AGPAT5: variants seen among roughly 807,000 people sequenced by gnomAD.
AGPAT5 encodes 1-acyl-sn-glycerol-3-phosphate acyltransferase epsilon.
In AGPAT5, 46 loss-of-function variants were observed where a neutral mutation model predicts 45.6. The ratio of observed to expected loss-of-function variants is 1.01; its 90% CI spans 0.80 to 1.29. The LOEUF (loss-of-function observed/expected upper bound fraction) is 1.29, where lower values mean the gene tolerates loss of function less well. Among genes scored for constraint, AGPAT5 ranks in the 50% most tolerant of loss-of-function variants. The pLI is 0.00. For missense variants in AGPAT5, 673 were observed against 450.7 expected, an observed-to-expected ratio of 1.49 and a Z score of -4.47; for synonymous variants, 272 against 167.0, an observed-to-expected ratio of 1.63 and a Z score of -4.85.
In AGPAT5 at chr8:6,758,197, C is replaced by CTGTTT. The variant is rs1801909429; in HGVS notation, c.*821_*825dup. On this transcript the variant is annotated 3_prime_UTR_variant, in exon 8 of 8. Transcript: ENST00000285518. ...AAGTGCTTGAAAACGTTAAGGTTTTCTGTTTTGTTTTGTTTTTTTAATATC... is the reference window on the plus strand; with the variant it reads ...AAGTGCTTGAAAACGTTAAGGTTTTCTGTTTTGTTTTGTTTTGTTTTTTTAATATC... The CTGTTT allele has an allele frequency of 6.6e-6, 1 of 152,462 alleles. No homozygotes were observed. Among genetic ancestry groups the CTGTTT allele is most frequent in the Non-Finnish European group, 1.5e-5 (1 of 68,004 alleles). 9.4% of individuals were successfully genotyped at this position (152,462 alleles called of 1,614,324 possible). A position where few individuals can be genotyped will look rare whatever the true frequency, so the allele number is the denominator to read the frequency against.
At chr8:6,732,720 C>G (rs1030619980) in intron 4 of AGPAT5, 70 bp downstream of exon 4, 13 of 1,287,796 alleles carry the variant, frequency 1.0e-5, no homozygotes, top group Non-Finnish European at 1.4e-5. Context: ...AAATTAAAAT[C>G]TAAGAATTGT....
At chr8:6,709,893 C>T (rs1048365915) in intron 1 of AGPAT5, among the ~76,000 whole-genome samples, 1 of 151,956 alleles carries the variant, frequency 6.6e-6, no homozygotes, top group East Asian at 1.9e-4. Flanking sequence ...GTAAGTGTCT[C>T]CTTGGAAAGA....
chr8:6,712,366 T>C (rs543092895), intron 1 of AGPAT5, among the ~76,000 whole-genome samples: 1 of 133,848 alleles, frequency 7.5e-6, no homozygotes, highest in African/African-American at 3.4e-5. Flanking sequence ...AATTACCATC[T>C]TGTGATTATA....
intron 1 of AGPAT5, among the ~76,000 whole-genome samples, chr8:6,718,598 A>T (rs1174822178): frequency 6.6e-6 from 1 of 152,162 alleles, no homozygotes; most frequent in African/African-American, 2.4e-5. Context: ...ACTGGGCAAG[A>T]CTATGTTGAT....
intron 5 of AGPAT5, among the ~76,000 whole-genome samples, chr8:6,743,715 G>A (rs1459511812): frequency 1.3e-5 from 2 of 150,750 alleles, no homozygotes; most frequent in South Asian, 2.1e-4. Context: ...TAAGGGATGT[G>A]GAATTAAATG....
Position 6,751,994 on chromosome 8 carries a change from C to T in AGPAT5, c.746-3057C>T, listed in dbSNP as rs191444116. On this transcript the variant is annotated intron_variant, in intron 6 of 7. Transcript: ENST00000285518. ...GAGTTCTAGACCAGCGTGACCAACA[C>T]GGTGAAATCCCATCTCTACTAAAAA... 9.9e-5 allele frequency among the ~76,000 whole-genome samples: 15 copies of T among 152,088 alleles called. 1 individual carries two copies. The highest frequency in any genetic ancestry group is 7.2e-4 in the Admixed American group (11 of 15,266).
chr8:6,756,379 C>G (rs1214888690), intron 7 of AGPAT5, among the ~76,000 whole-genome samples: 2 of 152,108 alleles, frequency 1.3e-5, no homozygotes, highest in East Asian at 3.9e-4. Context: ...GTAATCCCAG[C>G]ACTTTGGGAG....
At chr8:6,756,835 G>A (rs1349000555) in intron 7 of AGPAT5, among the ~76,000 whole-genome samples, 1 of 152,134 alleles carries the variant, frequency 6.6e-6, no homozygotes, top group Non-Finnish European at 1.5e-5. Context: ...AGGAGAAGCT[G>A]CAGCGGGTTA....
Position 6,730,720 on chromosome 8 carries a change from T to A in AGPAT5, c.299T>A (p.Ile100Asn). ...LANHQSTVDW[I>N]VADILAIRQN... The stretch of plus-strand genomic sequence containing the variant: ...GGTCCTGTCTCTGCAGTTGACTGGA[T>A]TGTTGCTGACATCTTGGCCATCAGG... Residue 100 changes from isoleucine (I) to asparagine (N), a missense_variant, in exon 3 of 8, where the codon ATT becomes AAT. By Grantham distance (149) the Ile-to-Asn change is moderately radical. Coordinates refer to ENST00000285518, the MANE Select transcript of AGPAT5 (RefSeq NM_018361.5). 6.2e-7 allele frequency: 1 copy of A among 1,612,900 alleles called. No homozygotes were observed. The highest frequency in any genetic ancestry group is 1.1e-5 in the South Asian group (1 of 90,968).
chr8:6,743,876 G>C (rs1314036821), intron 5 of AGPAT5, among the ~76,000 whole-genome samples: 1 of 151,722 alleles, frequency 6.6e-6, no homozygotes, highest in African/African-American at 2.4e-5. Flanking sequence ...TTAATGATGT[G>C]TCTATAATGG....
Position 6,757,188 on chromosome 8 carries a change from C to G in AGPAT5, c.895C>G (p.Pro299Ala). ...DKMLIEFYES[P>A]DPERRKRFPG... ...GATGCTTATAGAATTTTATGAGTCA[C>G]CAGATCCAGAAAGAAGAAAAAGATT... is the stretch of plus-strand genomic sequence containing the variant. Residue 299 changes from proline (P) to alanine (A), a missense_variant, in exon 8 of 8, where the codon CCA becomes GCA. Physicochemically the swap from Pro to Ala is conservative, Grantham distance 27. Transcript: ENST00000285518. 1.9e-6 allele frequency: 3 copies of G among 1,613,822 alleles called. No individual in the cohort carries two copies. The highest frequency in any genetic ancestry group is 1.7e-6 in the Non-Finnish European group (2 of 1,179,968).
Position 6,712,271 on chromosome 8 carries a change from T to C in AGPAT5, c.219+3384T>C, listed in dbSNP as rs1800179796. Among the ~76,000 whole-genome samples, 2 of 152,030 alleles carry C rather than the reference T, an allele frequency of 1.3e-5. 1 individual carries two copies. Among genetic ancestry groups the C allele is most frequent in the Non-Finnish European group, 2.9e-5 (2 of 68,018 alleles). On this transcript the variant is annotated intron_variant, in intron 1 of 7. Transcript: ENST00000285518. The stretch of plus-strand genomic sequence containing the variant: ...CTTAAGTAGAACATTTGATTAACTG[T>C]TTTATTTTCGGAACAAATCTGCATT...
In AGPAT5 at chr8:6,757,243, G is replaced by C. The variant is rs769062296; in HGVS notation, c.950G>C (p.Ser317Thr). ...GGGAAAAGTGTTAATTCCAAATTAAGTATCAAGAAGACTTTACCATCAATG... is the reference window on the plus strand; with the variant it reads ...GGGAAAAGTGTTAATTCCAAATTAACTATCAAGAAGACTTTACCATCAATG... ...FPGKSVNSKL[S>T]IKKTLPSMLI... The change falls in exon 8 of 8, where the codon AGT (serine) becomes ACT (threonine). Residue 317 changes from serine to threonine, a missense_variant. Physicochemically the swap from Ser to Thr is moderately conservative, Grantham distance 58. Transcript: ENST00000285518. 1.2e-6 allele frequency: 2 copies of C among 1,614,178 alleles called. No homozygotes were observed. Among genetic ancestry groups the C allele is most frequent in the Admixed American group, 1.7e-5 (1 of 60,034 alleles).
chr8:6,747,718 A>T lies in AGPAT5; in HGVS notation c.635A>T (p.His212Leu). 1.9e-6 allele frequency: 3 copies of T among 1,613,966 alleles called. No homozygotes were observed. Among genetic ancestry groups the T allele is most frequent in the Non-Finnish European group, 2.5e-6 (3 of 1,179,790 alleles). The change falls in exon 6 of 8, where the codon CAC (histidine) becomes CTC (leucine). Residue 212 changes from histidine (H) to leucine (L), a missense_variant. Transcript: ENST00000285518. ...HVLTPRIKAT[H>L]VAFDCMKNYL... is the part of the protein sequence containing the mutation. The stretch of plus-strand genomic sequence containing the variant: ...CTAACACCACGAATAAAGGCAACTC[A>T]CGTTGCTTTTGATTGCATGAAGAAT...
intron 1 of AGPAT5, among the ~76,000 whole-genome samples, chr8:6,720,192 G>T (rs1377518137): frequency 3.3e-5 from 5 of 152,114 alleles, no homozygotes; most frequent in African/African-American, 9.7e-5. Flanking sequence ...TGCTGTGGGA[G>T]TCAGTGATCC....
chr8:6,751,204 G>T (rs1317805739), intron 6 of AGPAT5, among the ~76,000 whole-genome samples: 2 of 152,122 alleles, frequency 1.3e-5, no homozygotes, highest in African/African-American at 2.4e-5. Flanking sequence ...TTGGAATACT[G>T]TAAGTACTTT....
chr8:6,735,499 T>A (rs915256683), intron 4 of AGPAT5, among the ~76,000 whole-genome samples: 2 of 152,252 alleles, frequency 1.3e-5, no homozygotes, highest in African/African-American at 4.8e-5. Flanking sequence ...GCAAAATTGT[T>A]AAAATTTTTA....
chr8:6,709,231 G>C (rs537009357), intron 1 of AGPAT5: 1 of 368,624 alleles, frequency 2.7e-6, no homozygotes, highest in Admixed American at 4.2e-5. Flanking sequence ...GGTCCAAAGA[G>C]GTGGTCATGT....
intron 4 of AGPAT5, among the ~76,000 whole-genome samples, chr8:6,735,702 G>C (rs1475403411): frequency 4.0e-5 from 6 of 151,698 alleles, no homozygotes; most frequent in Non-Finnish European, 8.8e-5. Context: ...GTTGTTGTAG[G>C]GTTGGCAGTA....
Sources: allele counts gnomAD v4.1 joint callset (sites outside exome capture counted in the v4.1 genomes callset), GRCh38; gene constraint gnomAD v4.1.1; transcripts MANE v1.5; gene names NCBI Gene and HGNC (gene_info 2026-07-23, HGNC 2026-07-21).